The following PKIG variants were observed in gnomAD, a reference collection of about 807,000 sequenced individuals.
The protein encoded by PKIG is protein kinase (cAMP-dependent, catalytic) inhibitor gamma.
PKIG carries 1 observed loss-of-function variant against 6.8 expected under a neutral mutation model. The observed-to-expected ratio is 0.15, with a 90% CI of 0.05 to 0.69. PKIG has a LOEUF of 0.69. PKIG is among the 30% of genes least tolerant of loss of function. The pLI, the probability that PKIG is intolerant of heterozygous loss-of-function variation, is 0.82. For synonymous variants in PKIG, 39 were observed against 43.0 expected (o/e 0.91, Z 0.36); for missense variants, 77 against 104.0 (o/e 0.74, Z 1.13).
At chr20:44,542,572 T>A (rs1439743449) in intron 1 of PKIG, among the ~76,000 whole-genome samples, 1 of 151,168 alleles carries the variant, frequency 6.6e-6, no homozygotes, top group Non-Finnish European at 1.5e-5. Context: ...AGTGGCCATA[T>A]TTTTTTTTAA....
At chr20:44,579,648 T>C (rs935790346), upstream of PKIG, among the ~76,000 whole-genome samples, 7 of 152,220 alleles carry the variant, frequency 4.6e-5, no homozygotes, top group African/African-American at 1.7e-4. Context: ...CACATAAGTG[T>C]GTCCAGTATT....
At chr20:44,612,032 G>T (rs1170389784) in intron 2 of PKIG, among the ~76,000 whole-genome samples, 2 of 151,900 alleles carry the variant, frequency 1.3e-5, no homozygotes, top group East Asian at 1.9e-4. Flanking sequence ...TGGACATTTG[G>T]GTTGATTCCA....
At chr20:44,594,409 A>G (rs905978987) in intron 2 of PKIG, among the ~76,000 whole-genome samples, 5 of 152,248 alleles carry the variant, frequency 3.3e-5, no homozygotes, top group Admixed American at 1.3e-4. Context: ...TGAGCTCTCA[A>G]CTATCATCCT....
At chr20:44,600,030 A>G (rs1325332285) in intron 2 of PKIG, among the ~76,000 whole-genome samples, 1 of 152,248 alleles carries the variant, frequency 6.6e-6, no homozygotes, top group Non-Finnish European at 1.5e-5. Flanking sequence ...TCCTAGAGCA[A>G]GAACATTTGA....
intron 1 of PKIG, among the ~76,000 whole-genome samples, chr20:44,547,282 C>G (rs560226249): frequency 2.6e-5 from 4 of 152,284 alleles, no homozygotes; most frequent in Non-Finnish European, 5.9e-5. Context: ...AAGGTAATTT[C>G]AAATATAAGC....
chr20:44,598,491 G>T (rs1394179283), intron 2 of PKIG: 1 of 152,196 alleles, frequency 6.6e-6, no homozygotes, highest in African/African-American at 2.4e-5. Context: ...GGTTTGAGGG[G>T]AAGAGCCTTG....
intron 2 of PKIG, among the ~76,000 whole-genome samples, chr20:44,595,189 C>G (rs1042843030): frequency 1.3e-5 from 2 of 152,178 alleles, no homozygotes; most frequent in African/African-American, 4.8e-5. Flanking sequence ...GTTAAGAGCC[C>G]CCTGTGATCA....
At chr20:44,586,628 A>C (rs1477809446) in intron 1 of PKIG, among the ~76,000 whole-genome samples, 2 of 152,194 alleles carry the variant, frequency 1.3e-5, no homozygotes, top group Non-Finnish European at 2.9e-5. Context: ...TGGCCCAATT[A>C]ACTCTGCCAA....
At chr20:44,603,908 A>C (rs2065143035) in intron 2 of PKIG, among the ~76,000 whole-genome samples, 1 of 152,108 alleles carries the variant, frequency 6.6e-6, no homozygotes, top group South Asian at 2.1e-4. Context: ...AATATACATA[A>C]ATGGATTGGC....
chr20:44,535,641 CA>C (rs1198877443), intron 1 of PKIG, among the ~76,000 whole-genome samples: 2 of 150,888 alleles, frequency 1.3e-5, no homozygotes, highest in East Asian at 1.9e-4. Flanking sequence ...AACTCCATCT[CA>C]AAAAAAAGGA....
intron 2 of PKIG, among the ~76,000 whole-genome samples, chr20:44,597,824 C>G (rs909651284): frequency 8.5e-5 from 13 of 152,200 alleles, no homozygotes; most frequent in African/African-American, 2.9e-4. Flanking sequence ...CCAAGGACTT[C>G]CTTGCTTTCC....
At chr20:44,560,734 A>G (rs1244490576) in intron 1 of PKIG, among the ~76,000 whole-genome samples, 1 of 152,208 alleles carries the variant, frequency 6.6e-6, no homozygotes, top group Non-Finnish European at 1.5e-5. Flanking sequence ...TAGGGAATGT[A>G]GACCAAGATC....
chr20:44,606,453 C>T (rs982085635), intron 2 of PKIG, among the ~76,000 whole-genome samples: 3 of 152,144 alleles, frequency 2.0e-5, no homozygotes, highest in African/African-American at 7.2e-5. Context: ...GAGGTAGGGC[C>T]TTTAAGAGGT....
At chr20:44,536,787 T>C (rs1318620040) in intron 1 of PKIG, among the ~76,000 whole-genome samples, 2 of 152,268 alleles carry the variant, frequency 1.3e-5, no homozygotes, top group African/African-American at 4.8e-5. Flanking sequence ...CAGGTATCCC[T>C]TTGTGTTGCT....
intron 1 of PKIG, among the ~76,000 whole-genome samples, chr20:44,586,566 T>G (rs2064991841): frequency 6.6e-6 from 1 of 152,160 alleles, no homozygotes; most frequent in Non-Finnish European, 1.5e-5. Flanking sequence ...GCCCAGCCAC[T>G]TAAGGAAGAA....
intron 2 of PKIG, among the ~76,000 whole-genome samples, chr20:44,612,742 A>C (rs1318929878): frequency 6.6e-6 from 1 of 152,166 alleles, no homozygotes; most frequent in Non-Finnish European, 1.5e-5. Context: ...GCAACTGGGA[A>C]ATGTGTCAAA....
chr20:44,589,688 A>T (rs937967419), intron 1 of PKIG, 109 bp from the exon 2 acceptor site: 11 of 152,230 alleles, frequency 7.2e-5, no homozygotes, highest in Non-Finnish European at 1.5e-4. Context: ...ATGTATGCAC[A>T]TTTAACAAGT....
chr20:44,543,153 C>T (rs1471028240), intron 1 of PKIG, among the ~76,000 whole-genome samples: 4 of 152,196 alleles, frequency 2.6e-5, no homozygotes, highest in Admixed American at 2.0e-4. Context: ...TTCAGAGCTT[C>T]CTCACTTGTA....
intron 2 of PKIG, among the ~76,000 whole-genome samples, chr20:44,601,694 A>T (rs1027829213): frequency 6.6e-6 from 1 of 152,208 alleles, no homozygotes; most frequent in African/African-American, 2.4e-5. Context: ...CCATAAGACC[A>T]GGTCCCACTT....
Sources: gnomAD v4.1 joint callset for allele counts (sites outside exome capture counted in the v4.1 genomes callset) on GRCh38, gnomAD v4.1.1 for gene constraint, MANE v1.5 for transcripts, NCBI Gene and HGNC (gene_info 2026-07-23, HGNC 2026-07-21) for gene names.